ZSWIM6: variants seen among roughly 807,000 people sequenced by gnomAD.
The protein encoded by ZSWIM6 is zinc finger SWIM domain-containing protein 6.
In ZSWIM6, 9 loss-of-function variants were observed where a neutral mutation model predicts 113.2. The observed-to-expected ratio is 0.08, with a 90% CI of 0.05 to 0.14. The LOEUF (loss-of-function observed/expected upper bound fraction) is 0.14, where lower values mean the gene tolerates loss of function less well. Among genes scored for constraint, ZSWIM6 ranks in the 10% least tolerant of loss-of-function variants. The probability of loss-of-function intolerance (pLI) is 1.00; values close to 1 mark genes in which losing one functional copy is unlikely to be tolerated. For missense variants in ZSWIM6, 1,162 were observed against 1,552.2 expected, an observed-to-expected ratio of 0.75 and a Z score of 4.22; for synonymous variants, 611 against 606.5, an observed-to-expected ratio of 1.01 and a Z score of -0.11.
intron 1 of ZSWIM6, among the ~76,000 whole-genome samples, chr5:61,351,485 C>A (rs909901311): frequency 6.6e-6 from 1 of 152,144 alleles, no homozygotes; most frequent in Non-Finnish European, 1.5e-5. Context: ...TGGAAACTTT[C>A]ATTAATAAAT....
intron 1 of ZSWIM6, among the ~76,000 whole-genome samples, chr5:61,406,111 T>C (rs371390863): frequency 1.4e-4 from 22 of 152,150 alleles, no homozygotes; most frequent in South Asian, 2.1e-4. Context: ...GTCTTGGCCT[T>C]CTCCATTAAC....
chr5:61,434,104 A>G (rs1200821717), intron 1 of ZSWIM6, among the ~76,000 whole-genome samples: 1 of 147,452 alleles, frequency 6.8e-6, no homozygotes, highest in African/African-American at 2.5e-5. Context: ...TATATACTAT[A>G]TATAACATCT....
chr5:61,445,680 A>G (rs1250057909), intron 1 of ZSWIM6, among the ~76,000 whole-genome samples: 2 of 152,240 alleles, frequency 1.3e-5, no homozygotes, highest in African/African-American at 2.4e-5. Context: ...CAATCCTTCC[A>G]TTAGAAATTG....
intron 10 of ZSWIM6, among the ~76,000 whole-genome samples, chr5:61,538,333 T>C (rs1749637052): frequency 2.0e-5 from 3 of 152,220 alleles, no homozygotes; most frequent in African/African-American, 2.4e-5. Context: ...TCTTGTTTTA[T>C]GTTTAAATAG....
Position 61,544,230 on chromosome 5 carries a change from T to C in ZSWIM6, c.3561T>C (p.Ile1187=), listed in dbSNP as rs376269468. The change falls in exon 14 of 14, where the codon ATT becomes ATC. Residue 1187 remains isoleucine, a synonymous_variant. Transcript: ENST00000252744. ...ETFLMAHDGH[I]QFTQFIDNLK... is the part of the protein sequence containing the mutation. ...TCTTAATGGCGCATGATGGACACAT[T>C]CAGTTTACACAGTTTATTGACAACC... 7.9e-5 allele frequency: 123 copies of C among 1,551,000 alleles called. No homozygotes were observed. The highest frequency in any genetic ancestry group is 3.3e-4 in the Middle Eastern group (2 of 6,014).
At chr5:61,418,488 A>T (rs1746297505) in intron 1 of ZSWIM6, among the ~76,000 whole-genome samples, 2 of 151,942 alleles carry the variant, frequency 1.3e-5, no homozygotes, top group Admixed American at 1.3e-4. Context: ...CGAACTCCTG[A>T]CCTCAGTTGA....
In ZSWIM6 at chr5:61,375,065, C is replaced by T; in HGVS notation, c.676+42117C>T. ...ATAAGATATTAAAGGGTAAGTCTCT[C>T]CGGCCCGGTTTCCCTCGGTGTGCTA... On this transcript the variant is annotated intron_variant, in intron 1 of 13. Coordinates refer to ENST00000252744, the MANE Select transcript of ZSWIM6 (RefSeq NM_020928.2). 3 of 1,552,316 alleles carry T rather than the reference C, an allele frequency of 1.9e-6. No individual in the cohort carries two copies. In the East Asian group the frequency reaches 6.7e-5, roughly 35 times the overall value.
intron 9 of ZSWIM6, among the ~76,000 whole-genome samples, chr5:61,532,802 C>T (rs1318633828): frequency 6.6e-6 from 1 of 152,048 alleles, no homozygotes; most frequent in Non-Finnish European, 1.5e-5. Flanking sequence ...AGATAAAAAG[C>T]CCATCTTGAC....
At chr5:61,469,030 C>T (rs1450126147) in intron 1 of ZSWIM6, among the ~76,000 whole-genome samples, 5 of 151,658 alleles carry the variant, frequency 3.3e-5, no homozygotes, top group African/African-American at 4.8e-5. Flanking sequence ...CAAAACAAAA[C>T]GAATAGGCCT....
intron 1 of ZSWIM6, chr5:61,375,413 C>T (rs981244088): frequency 6.6e-6 from 10 of 1,515,312 alleles, no homozygotes; most frequent in African/African-American, 1.4e-5. Flanking sequence ...AAGAAGAAAT[C>T]TGGTAGGTAT....
At chr5:61,478,237 A>C (rs1490065547) in intron 2 of ZSWIM6, among the ~76,000 whole-genome samples, 1 of 152,226 alleles carries the variant, frequency 6.6e-6, no homozygotes, top group Non-Finnish European at 1.5e-5. Flanking sequence ...ATACTATCTT[A>C]AAGTGCAGTA....
chr5:61,385,630 C>G (rs1745579166), intron 1 of ZSWIM6, among the ~76,000 whole-genome samples: 1 of 152,202 alleles, frequency 6.6e-6, no homozygotes. Flanking sequence ...ATGCTCTTTT[C>G]TCTTTCATTG....
intron 8 of ZSWIM6, 93 bp downstream of exon 8, chr5:61,530,291 A>G: frequency 7.6e-7 from 1 of 1,308,130 alleles, no homozygotes; most frequent in Admixed American, 2.7e-5. Flanking sequence ...GTTTTATGGA[A>G]CCATGTAGTT....
intron 1 of ZSWIM6, among the ~76,000 whole-genome samples, chr5:61,449,009 G>A (rs1437114458): frequency 6.6e-6 from 1 of 152,196 alleles, no homozygotes; most frequent in East Asian, 1.9e-4. Context: ...TGTAACCAAA[G>A]CATCTCCGTT....
chr5:61,367,531 A>G (rs1441231785), intron 1 of ZSWIM6, among the ~76,000 whole-genome samples: 2 of 152,198 alleles, frequency 1.3e-5, no homozygotes, highest in Admixed American at 1.3e-4. Flanking sequence ...TACAGGCATG[A>G]GCCACTTTAC....
Position 61,433,534 on chromosome 5 carries a change from G to A in ZSWIM6, c.677-39147G>A, listed in dbSNP as rs971975187. Among the ~76,000 whole-genome samples, 6 of 150,830 alleles carry A rather than the reference G, an allele frequency of 4.0e-5. No individual in the cohort carries two copies. In the East Asian group the frequency reaches 1.2e-3, roughly 29 times the overall value. On this transcript the variant is annotated intron_variant, in intron 1 of 13. Coordinates refer to ENST00000252744, the MANE Select transcript of ZSWIM6 (RefSeq NM_020928.2). ...GTTGCCCAGGCTGGAGTGCAATGGC[G>A]TGATCTTGGCTCACCGCAACCTCCG...
intron 1 of ZSWIM6, among the ~76,000 whole-genome samples, chr5:61,373,194 A>G (rs1745302359): frequency 1.3e-5 from 2 of 151,696 alleles, no homozygotes; most frequent in Admixed American, 1.3e-4. Flanking sequence ...CAGTCCTCCC[A>G]CCTTGGCCTT....
At chr5:61,523,648 T>C (rs6890351) in intron 5 of ZSWIM6, among the ~76,000 whole-genome samples, 57,234 of 151,962 alleles carry the variant, frequency 0.38, 10,932 homozygotes, top group South Asian at 0.43. Context: ...GAATAGCCAC[T>C]GACATTCAAG....
chr5:61,355,743 A>G (rs1744893521), intron 1 of ZSWIM6, among the ~76,000 whole-genome samples: 1 of 152,194 alleles, frequency 6.6e-6, no homozygotes, highest in South Asian at 2.1e-4. Context: ...GATTACTGAA[A>G]GTGTAACACA....
Sources: gnomAD v4.1 joint callset for allele counts (sites outside exome capture counted in the v4.1 genomes callset) on GRCh38, gnomAD v4.1.1 for gene constraint, MANE v1.5 for transcripts, NCBI Gene and HGNC (gene_info 2026-07-23, HGNC 2026-07-21) for gene names.